ADAMTSL1: variants seen among roughly 807,000 people sequenced by gnomAD.
The protein encoded by ADAMTSL1 is ADAMTS-like protein 1.
ADAMTSL1 carries 126 observed loss-of-function variants against 201.8 expected under a neutral mutation model. That is an observed-to-expected ratio of 0.62 (90% confidence interval 0.54 to 0.72). The LOEUF is 0.72. Ranked by LOEUF, ADAMTSL1 falls within the 30% of genes least tolerant of loss-of-function variation. The pLI is 0.00. For missense variants in ADAMTSL1, 2,679 were observed against 2,277.8 expected (o/e 1.18, Z -3.59); for synonymous variants, 1,121 against 903.4 (o/e 1.24, Z -4.32).
At chr9:18,832,319 G>C (rs76893250) in intron 23 of ADAMTSL1, among the ~76,000 whole-genome samples, 230 of 152,246 alleles carry the variant, frequency 1.5e-3, no homozygotes, top group African/African-American at 5.5e-3. Flanking sequence ...GTGCGCTCTG[G>C]GTATGAGAAA....
intron 13 of ADAMTSL1, 29 bp downstream of exon 13, chr9:18,684,829 T>C (rs1830726485): frequency 2.5e-6 from 4 of 1,585,328 alleles, no homozygotes; most frequent in East Asian, 4.5e-5. Context: ...GACTGTTCTA[T>C]ATTTGAAACT....
At chr9:18,630,955 T>G (rs1204603686) in intron 5 of ADAMTSL1, among the ~76,000 whole-genome samples, 1 of 152,138 alleles carries the variant, frequency 6.6e-6, no homozygotes, top group Non-Finnish European at 1.5e-5. Context: ...TATAATTTTC[T>G]CCCAAGCGGC....
intron 23 of ADAMTSL1, among the ~76,000 whole-genome samples, chr9:18,850,395 G>A (rs1398759746): frequency 6.6e-6 from 1 of 152,182 alleles, no homozygotes; most frequent in African/African-American, 2.4e-5. Context: ...CTCTTGCTCT[G>A]TGCCCCCTTG....
intron 23 of ADAMTSL1, among the ~76,000 whole-genome samples, chr9:18,874,454 G>C (rs1011645501): frequency 6.6e-6 from 1 of 152,048 alleles, no homozygotes; most frequent in Admixed American, 6.6e-5. Context: ...TTACCTTAGA[G>C]TGTGTCTCTT....
chr9:17,922,690 G>A (rs1826352054), intron 1 of ADAMTSL1, among the ~76,000 whole-genome samples: 1 of 150,704 alleles, frequency 6.6e-6, no homozygotes, highest in Non-Finnish European at 1.5e-5. Flanking sequence ...TAGAGGGAGA[G>A]GTGGGAGTGA....
At chr9:18,456,777 C>T (rs1181284711) in intron 2 of ADAMTSL1, among the ~76,000 whole-genome samples, 2 of 152,176 alleles carry the variant, frequency 1.3e-5, no homozygotes, top group Non-Finnish European at 2.9e-5. Context: ...GTTCAAAGGT[C>T]ATCCCTGAAC....
chr9:18,710,993 AC>A (rs1832549462), intron 14 of ADAMTSL1, among the ~76,000 whole-genome samples: 1 of 152,148 alleles, frequency 6.6e-6, no homozygotes, highest in Admixed American at 6.5e-5. Flanking sequence ...ACAATCACTA[AC>A]AGGCAAAAAT....
intron 13 of ADAMTSL1, among the ~76,000 whole-genome samples, chr9:18,698,979 G>A (rs1831750803): frequency 6.6e-6 from 1 of 152,160 alleles, no homozygotes; most frequent in African/African-American, 2.4e-5. Flanking sequence ...ACTTCAAGAT[G>A]ACTTCAACAA....
chr9:18,847,158 T>C (rs548507988), intron 23 of ADAMTSL1, among the ~76,000 whole-genome samples: 1 of 152,218 alleles, frequency 6.6e-6, no homozygotes, highest in South Asian at 2.1e-4. Context: ...GACAGAAAAG[T>C]CAATCATGAG....
intron 2 of ADAMTSL1, among the ~76,000 whole-genome samples, chr9:18,295,210 C>T (rs1215702855): frequency 1.3e-5 from 2 of 152,036 alleles, no homozygotes; most frequent in Admixed American, 6.6e-5. Context: ...AATGAGGGCC[C>T]AGGTCAGTAA....
chr9:18,489,214 G>A (rs1262676189), intron 1 of ADAMTSL1, among the ~76,000 whole-genome samples: 9 of 152,122 alleles, frequency 5.9e-5, no homozygotes, highest in East Asian at 1.9e-4. Context: ...ACTGTTAGTG[G>A]ATATATCTCT....
intron 1 of ADAMTSL1, among the ~76,000 whole-genome samples, chr9:18,046,343 T>C (rs751723525): frequency 1.3e-5 from 2 of 152,162 alleles, no homozygotes; most frequent in Non-Finnish European, 2.9e-5. Flanking sequence ...ATGGCTTTCA[T>C]CTAGCTGTTC....
intron 1 of ADAMTSL1, among the ~76,000 whole-genome samples, chr9:17,982,715 G>C (rs1335507746): frequency 1.3e-5 from 2 of 152,152 alleles, no homozygotes; most frequent in Non-Finnish European, 2.9e-5. Context: ...GGCAGAATCA[G>C]TTAATGTGTA....
At chr9:18,817,614 G>C (rs1823944311) in intron 21 of ADAMTSL1, among the ~76,000 whole-genome samples, 2 of 152,176 alleles carry the variant, frequency 1.3e-5, no homozygotes, top group South Asian at 4.1e-4. Context: ...GCTTTGGTCT[G>C]GGTGGAGCCC....
chr9:18,151,149 A>C (rs1826892356), intron 1 of ADAMTSL1, among the ~76,000 whole-genome samples: 2 of 152,096 alleles, frequency 1.3e-5, no homozygotes, highest in African/African-American at 4.8e-5. Flanking sequence ...TGAGTTATCC[A>C]TCATCTGTGA....
At chr9:18,192,032 G>T (rs901436165) in intron 2 of ADAMTSL1, among the ~76,000 whole-genome samples, 1 of 152,142 alleles carries the variant, frequency 6.6e-6, no homozygotes, top group African/African-American at 2.4e-5. Context: ...GTTTGACATT[G>T]ATGGTATTCT....
At chr9:18,123,632 A>G (rs1391461159) in intron 1 of ADAMTSL1, among the ~76,000 whole-genome samples, 3 of 152,196 alleles carry the variant, frequency 2.0e-5, no homozygotes, top group Non-Finnish European at 4.4e-5. Context: ...ATATCATAAG[A>G]TTTCCCTATT....
chr9:18,465,356 A>G (rs1820963651), intron 2 of ADAMTSL1, among the ~76,000 whole-genome samples: 1 of 152,212 alleles, frequency 6.6e-6, no homozygotes, highest in Non-Finnish European at 1.5e-5. Flanking sequence ...GTTTCTCATA[A>G]AAGTCTGGAG....
At chr9:17,937,393 C>T (rs13287394) in intron 1 of ADAMTSL1, among the ~76,000 whole-genome samples, 31,733 of 151,792 alleles carry the variant, frequency 0.21, 3,636 homozygotes, top group East Asian at 0.31. Flanking sequence ...TCACTGCACA[C>T]GTTCTCTCTG....
Sources: allele counts gnomAD v4.1 joint callset (sites outside exome capture counted in the v4.1 genomes callset), GRCh38; gene constraint gnomAD v4.1.1; transcripts MANE v1.5; gene names NCBI Gene and HGNC (gene_info 2026-07-23, HGNC 2026-07-21).